The following SAXO1 variants were observed in gnomAD, a reference collection of about 807,000 sequenced individuals.
SAXO1 encodes the protein stabilizer of axonemal microtubules 1.
SAXO1 carries 21 observed loss-of-function variants against 17.5 expected under a neutral mutation model. The ratio of observed to expected loss-of-function variants is 1.20; its 90% CI spans 0.85 to 1.72. SAXO1 has a LOEUF of 1.72. Among genes scored for constraint, SAXO1 ranks in the 40% most tolerant of loss-of-function variants. The pLI is 0.00. For missense variants in SAXO1, 843 were observed against 596.0 expected (o/e 1.41, Z -4.32); for synonymous variants, 274 against 216.5 (o/e 1.27, Z -2.33).
intron 1 of SAXO1, among the ~76,000 whole-genome samples, chr9:19,017,172 G>T (rs1835012531): frequency 6.6e-6 from 1 of 151,830 alleles, no homozygotes. Flanking sequence ...AAGGCAGAAA[G>T]AAGAGAGAAA....
At chr9:18,965,647 T>C (rs1207200225) in intron 1 of SAXO1, among the ~76,000 whole-genome samples, 1 of 152,146 alleles carries the variant, frequency 6.6e-6, no homozygotes, top group African/African-American at 2.4e-5. Context: ...TGTCTTTGCA[T>C]GTGAGATGGG....
intron 1 of SAXO1, chr9:19,027,385 A>C (rs1835531812): frequency 1.3e-6 from 1 of 765,946 alleles, no homozygotes. Context: ...TGAGAGACCC[A>C]CGGAGCAATA....
chr9:19,023,278 C>A (rs1023828418), intron 1 of SAXO1, among the ~76,000 whole-genome samples: 1 of 152,066 alleles, frequency 6.6e-6, no homozygotes, highest in South Asian at 2.1e-4. Context: ...CCCACTCAGA[C>A]TCAAGTGCTC....
At chr9:19,011,662 G>C (rs11789049) in intron 1 of SAXO1, among the ~76,000 whole-genome samples, 6,303 of 152,130 alleles carry the variant, frequency 0.041, 157 homozygotes, top group Non-Finnish European at 0.058. Context: ...ATGGAATATG[G>C]CTATGTTATT....
intron 1 of SAXO1, among the ~76,000 whole-genome samples, chr9:18,985,267 G>A (rs117655046): frequency 2.2e-4 from 33 of 152,106 alleles, no homozygotes; most frequent in Admixed American, 1.7e-3. Context: ...ATCACAGATC[G>A]CCATAACAGA....
chr9:18,955,436 G>T (rs1282176347), intron 1 of SAXO1, among the ~76,000 whole-genome samples: 1 of 152,158 alleles, frequency 6.6e-6, no homozygotes, highest in East Asian at 1.9e-4. Context: ...ATATGGTAGT[G>T]GCTTCCCTAT....
At chr9:19,000,195 C>A (rs189435436) in intron 1 of SAXO1, among the ~76,000 whole-genome samples, 1 of 148,452 alleles carries the variant, frequency 6.7e-6, no homozygotes, top group African/African-American at 2.5e-5. Context: ...AAGTGAGGAG[C>A]GCCTCCACCC....
At chr9:18,940,154 C>T (rs996624393) in intron 3 of SAXO1, among the ~76,000 whole-genome samples, 4 of 152,118 alleles carry the variant, frequency 2.6e-5, no homozygotes, top group East Asian at 1.9e-4. Flanking sequence ...AGGATTAAGA[C>T]GTCAATGGAC....
intron 1 of SAXO1, among the ~76,000 whole-genome samples, chr9:19,011,180 A>T (rs1375709728): frequency 6.6e-6 from 1 of 152,238 alleles, no homozygotes; most frequent in Non-Finnish European, 1.5e-5. Flanking sequence ...AGTTCAGAGC[A>T]CTAAAAAGGC....
intron 2 of SAXO1, among the ~76,000 whole-genome samples, chr9:18,945,436 G>A (rs1230620060): frequency 6.6e-6 from 1 of 152,130 alleles, no homozygotes; most frequent in Non-Finnish European, 1.5e-5. Context: ...TGATTTGATT[G>A]ACTTTGTCAC....
intron 1 of SAXO1, among the ~76,000 whole-genome samples, chr9:19,016,013 C>T (rs948829885): frequency 4.7e-4 from 71 of 152,164 alleles, no homozygotes; most frequent in African/African-American, 1.7e-3. Context: ...ACACTGAAGG[C>T]TGAGAATACT....
intron 1 of SAXO1, among the ~76,000 whole-genome samples, chr9:19,001,650 A>C (rs1588509908): frequency 6.9e-6 from 1 of 145,524 alleles, no homozygotes; most frequent in Non-Finnish European, 1.5e-5. Flanking sequence ...TGGGCAACAG[A>C]GCAAGACTCC....
At chr9:18,949,457 A>T (rs898008267) in intron 2 of SAXO1, among the ~76,000 whole-genome samples, 4 of 151,718 alleles carry the variant, frequency 2.6e-5, no homozygotes, top group Non-Finnish European at 5.9e-5. Flanking sequence ...ACCTTGTTTT[A>T]AAAAAAAAAT....
intron 1 of SAXO1, among the ~76,000 whole-genome samples, chr9:19,016,963 G>A (rs1297893466): frequency 6.6e-6 from 1 of 151,958 alleles, no homozygotes; most frequent in African/African-American, 2.4e-5. Context: ...TGTGAGGCCT[G>A]AGCATGTGAC....
At chr9:18,975,873 T>A (rs73431249) in intron 1 of SAXO1, among the ~76,000 whole-genome samples, 5,952 of 125,768 alleles carry the variant, frequency 0.047, 332 homozygotes, top group African/African-American at 0.13. Flanking sequence ...GAACTACAGC[T>A]GAAGTGGAGC....
chr9:18,928,952 G>T lies in SAXO1; in HGVS notation c.525C>A (p.Asp175Glu), dbSNP rs143870271. 1 of 1,614,158 alleles carries T rather than the reference G, an allele frequency of 6.2e-7. No homozygotes were observed. The highest frequency in any genetic ancestry group is 8.5e-7 in the Non-Finnish European group (1 of 1,180,032). Residue 175 changes from aspartate (D) to glutamate (E), a missense_variant, in exon 4 of 4, where the codon GAC (aspartate) becomes GAA (glutamate). Coordinates refer to ENST00000380534, the MANE Select transcript of SAXO1 (RefSeq NM_153707.4). ...TCACAAGGCCTTTTATGGGGTAATC[G>T]TCCTGGTGTGTGGTTCTGTTATCAA... ...VRFDNRTTHQDDYPIKGLVKT... is the reference protein window; with the variant it reads ...VRFDNRTTHQEDYPIKGLVKT...
At chr9:19,008,072 A>G (rs1396876291) in intron 1 of SAXO1, among the ~76,000 whole-genome samples, 1 of 151,270 alleles carries the variant, frequency 6.6e-6, no homozygotes, top group African/African-American at 2.4e-5. Flanking sequence ...GGCTTAAGCC[A>G]TCCACTCACC....
intron 3 of SAXO1, among the ~76,000 whole-genome samples, chr9:18,932,708 C>T (rs1831107228): frequency 6.6e-6 from 1 of 152,136 alleles, no homozygotes; most frequent in South Asian, 2.1e-4. Context: ...TAATTTCTCC[C>T]AGCAATCGTT....
At chr9:18,955,636 A>C (rs1832228511) in intron 1 of SAXO1, among the ~76,000 whole-genome samples, 1 of 152,370 alleles carries the variant, frequency 6.6e-6, no homozygotes, top group Middle Eastern at 3.4e-3. Flanking sequence ...AGAGGCACTA[A>C]AACAAATAAC....
Sources: allele counts gnomAD v4.1 joint callset (sites outside exome capture counted in the v4.1 genomes callset), GRCh38; gene constraint gnomAD v4.1.1; transcripts MANE v1.5; gene names NCBI Gene and HGNC (gene_info 2026-07-23, HGNC 2026-07-21).